Variants in TMEM132D observed in about 807,000 individuals in gnomAD.
TMEM132D encodes transmembrane protein 132D.
TMEM132D carries 21 observed loss-of-function variants against 62.3 expected under a neutral mutation model. That is an observed-to-expected ratio of 0.34 (90% CI 0.24 to 0.49). The LOEUF is 0.49. Ranked by LOEUF, TMEM132D falls within the 20% of genes least tolerant of loss-of-function variation. The pLI, the probability that TMEM132D is intolerant of heterozygous loss-of-function variation, is 0.99. For missense variants in TMEM132D, 1,346 were observed against 1,402.8 expected (o/e 0.96, Z 0.65); for synonymous variants, 621 against 575.6 (o/e 1.08, Z -1.13).
chr12:129,363,522 A>G (rs1024014885), intron 3 of TMEM132D, among the ~76,000 whole-genome samples: 1 of 152,218 alleles, frequency 6.6e-6, no homozygotes, highest in Non-Finnish European at 1.5e-5. Context: ...TGATATGACA[A>G]ATGAAAGTGC....
At chr12:129,781,536 T>C (rs1016316057) in intron 1 of TMEM132D, among the ~76,000 whole-genome samples, 2 of 152,216 alleles carry the variant, frequency 1.3e-5, no homozygotes, top group Non-Finnish European at 2.9e-5. Context: ...TGTTCTTTTT[T>C]CCCCCTCATG....
At chr12:129,572,937 A>G (rs1264197799) in intron 2 of TMEM132D, among the ~76,000 whole-genome samples, 2 of 152,208 alleles carry the variant, frequency 1.3e-5, no homozygotes, top group South Asian at 2.1e-4. Context: ...TGCGACTTCT[A>G]TACTTCATTG....
intron 1 of TMEM132D, among the ~76,000 whole-genome samples, chr12:129,715,868 C>T (rs764323372): frequency 2.6e-5 from 4 of 152,218 alleles, no homozygotes; most frequent in Admixed American, 6.5e-5. Flanking sequence ...TCTCACTGAG[C>T]TCTCTCCTGC....
chr12:129,401,868 G>A (rs1271342051), intron 3 of TMEM132D, among the ~76,000 whole-genome samples: 1 of 152,136 alleles, frequency 6.6e-6, no homozygotes, highest in Non-Finnish European at 1.5e-5. Flanking sequence ...GTTCGATAAC[G>A]TGTAAAGATT....
chr12:129,398,053 C>T (rs1316677853), intron 3 of TMEM132D, among the ~76,000 whole-genome samples: 1 of 152,216 alleles, frequency 6.6e-6, no homozygotes, highest in Non-Finnish European at 1.5e-5. Context: ...ATGCCACAAA[C>T]ACTAATTGCA....
intron 2 of TMEM132D, among the ~76,000 whole-genome samples, chr12:129,637,914 C>T (rs992012143): frequency 1.3e-5 from 2 of 152,136 alleles, no homozygotes; most frequent in African/African-American, 4.8e-5. Flanking sequence ...AGGGGTGGTA[C>T]TAAACCATTC....
chr12:129,489,063 T>A (rs1281806311), intron 3 of TMEM132D, among the ~76,000 whole-genome samples: 1 of 152,206 alleles, frequency 6.6e-6, no homozygotes, highest in African/African-American at 2.4e-5. Flanking sequence ...TACAGCCAAA[T>A]GCAAATCAAA....
intron 1 of TMEM132D, among the ~76,000 whole-genome samples, chr12:129,706,575 A>C (rs1481259307): frequency 6.6e-6 from 1 of 151,950 alleles, no homozygotes; most frequent in Non-Finnish European, 1.5e-5. Flanking sequence ...CCGGTCTCTG[A>C]CTTATGAAGT....
At chr12:129,084,857 T>C in intron 5 of TMEM132D, 155 bp from the exon 6 acceptor site, 2 of 639,012 alleles carry the variant, frequency 3.1e-6, no homozygotes, top group African/African-American at 1.9e-5. Context: ...GGAGCAGACA[T>C]TGGGTGTTGC....
chr12:129,313,231 C>A (rs1882024773), intron 4 of TMEM132D, among the ~76,000 whole-genome samples: 1 of 152,068 alleles, frequency 6.6e-6, no homozygotes, highest in South Asian at 2.1e-4. Flanking sequence ...TGAGTTAGTT[C>A]TTTGGTGGCG....
intron 3 of TMEM132D, among the ~76,000 whole-genome samples, chr12:129,466,144 G>A (rs1873886449): frequency 6.6e-6 from 1 of 151,702 alleles, no homozygotes; most frequent in Non-Finnish European, 1.5e-5. Context: ...TAATGCTTTT[G>A]TTATTGTTAT....
intron 1 of TMEM132D, among the ~76,000 whole-genome samples, chr12:129,870,843 G>A (rs1189153337): frequency 1.3e-5 from 2 of 152,062 alleles, no homozygotes; most frequent in Non-Finnish European, 2.9e-5. Flanking sequence ...CCTACAGCTG[G>A]CATCTGGAGT....
At chr12:129,255,782 C>T (rs1393144674) in intron 4 of TMEM132D, among the ~76,000 whole-genome samples, 2 of 152,142 alleles carry the variant, frequency 1.3e-5, no homozygotes, top group Admixed American at 6.5e-5. Context: ...TCAAACAACA[C>T]ACTTGGAGAG....
chr12:129,801,207 C>G (rs949205471), intron 1 of TMEM132D, among the ~76,000 whole-genome samples: 3 of 152,206 alleles, frequency 2.0e-5, no homozygotes, highest in African/African-American at 7.2e-5. Context: ...CTGGGTGGAG[C>G]CCACCACAGC....
intron 4 of TMEM132D, among the ~76,000 whole-genome samples, chr12:129,217,832 G>A (rs1042986472): frequency 9.2e-5 from 14 of 152,232 alleles, no homozygotes; most frequent in Admixed American, 7.2e-4. Flanking sequence ...ATTTTTTAAG[G>A]AAAACAATGA....
intron 4 of TMEM132D, among the ~76,000 whole-genome samples, chr12:129,274,491 C>A (rs979567448): frequency 2.0e-5 from 3 of 152,230 alleles, no homozygotes; most frequent in Admixed American, 2.0e-4. Context: ...AAACACTGCT[C>A]ATCCTACCAA....
At chr12:129,737,140 C>T (rs533108506) in intron 1 of TMEM132D, among the ~76,000 whole-genome samples, 3 of 152,288 alleles carry the variant, frequency 2.0e-5, no homozygotes, top group Admixed American at 2.0e-4. Context: ...TAACCTAGCA[C>T]TACTGGCATC....
intron 2 of TMEM132D, among the ~76,000 whole-genome samples, chr12:129,671,020 G>A (rs969577295): frequency 1.3e-5 from 2 of 152,112 alleles, no homozygotes; most frequent in South Asian, 2.1e-4. Context: ...AAAAATCTTG[G>A]AAATATTTTT....
intron 2 of TMEM132D, among the ~76,000 whole-genome samples, chr12:129,697,154 G>A (rs545890622): frequency 6.6e-6 from 1 of 152,160 alleles, no homozygotes; most frequent in African/African-American, 2.4e-5. Context: ...TAGCTGCTGC[G>A]TCAGTCCATG....
Sources: allele counts gnomAD v4.1 joint callset (sites outside exome capture counted in the v4.1 genomes callset), GRCh38; gene constraint gnomAD v4.1.1; transcripts MANE v1.5; gene names NCBI Gene and HGNC (gene_info 2026-07-23, HGNC 2026-07-21).